The following DPY19L2 variants were observed in gnomAD, a reference collection of about 807,000 sequenced individuals.
The protein encoded by DPY19L2 is probable C-mannosyltransferase DPY19L2.
Under a neutral mutation model 97.9 loss-of-function variants are expected in DPY19L2, and 34 were observed. The ratio of observed to expected loss-of-function variants is 0.35; its 90% CI spans 0.26 to 0.46. The LOEUF is 0.46. Ranked by LOEUF, DPY19L2 falls within the 20% of genes least tolerant of loss-of-function variation. The pLI is 1.00. For missense variants in DPY19L2, 623 were observed against 911.4 expected (o/e 0.68, Z 4.07); for synonymous variants, 230 against 307.9 (o/e 0.75, Z 2.65).
intron 4 of DPY19L2, among the ~76,000 whole-genome samples, chr12:63,658,958 G>A (rs1397418222): frequency 6.6e-6 from 1 of 152,164 alleles, no homozygotes; most frequent in African/African-American, 2.4e-5. Context: ...CAGGATGAGG[G>A]ATATGCTCAT....
Position 63,668,410 on chromosome 12 carries a change from G to A in DPY19L2, c.-17C>T, listed in dbSNP as rs370417967. The A allele has an allele frequency of 1.3e-6, 2 of 1,582,770 alleles. No homozygotes were observed. Among genetic ancestry groups the A allele is most frequent in the South Asian group, 2.3e-5 (2 of 86,818 alleles). On this transcript the variant is annotated 5_prime_UTR_variant, in exon 1 of 22. Coordinates refer to ENST00000324472, the MANE Select transcript of DPY19L2 (RefSeq NM_173812.5). ...TTTTCTCATAATCAAGGAGTATGGT[G>A]GAGCTGGGTCAATTTCAGGCACAGC... is the stretch of plus-strand genomic sequence containing the variant.
At chr12:63,632,896 T>G (rs1890961704) in intron 6 of DPY19L2, among the ~76,000 whole-genome samples, 1 of 152,064 alleles carries the variant, frequency 6.6e-6, no homozygotes, top group East Asian at 1.9e-4. Context: ...AACAGAGCCC[T>G]CAGAAATAAT....
intron 12 of DPY19L2, among the ~76,000 whole-genome samples, chr12:63,602,922 A>C (rs1347214744): frequency 6.6e-6 from 1 of 152,200 alleles, no homozygotes; most frequent in African/African-American, 2.4e-5. Context: ...GAAACAAAGC[A>C]AATATAGTCA....
chr12:63,581,037 C>G (rs1349635192), intron 18 of DPY19L2, among the ~76,000 whole-genome samples: 1 of 152,112 alleles, frequency 6.6e-6, no homozygotes, highest in East Asian at 1.9e-4. Flanking sequence ...ATGGAACTTT[C>G]TCTCCCCTGG....
intron 8 of DPY19L2, among the ~76,000 whole-genome samples, chr12:63,622,724 G>A (rs1179218592): frequency 3.3e-5 from 5 of 152,084 alleles, no homozygotes; most frequent in South Asian, 2.1e-4. Flanking sequence ...TCAGGAGTTC[G>A]AGACTAGCCT....
intron 11 of DPY19L2, among the ~76,000 whole-genome samples, chr12:63,611,236 G>A (rs1358957397): frequency 6.6e-6 from 1 of 152,062 alleles, no homozygotes; most frequent in Non-Finnish European, 1.5e-5. Context: ...AAACTAACCA[G>A]TACTTTCATT....
chr12:63,641,202 C>A (rs1304983576), intron 6 of DPY19L2, among the ~76,000 whole-genome samples: 2 of 152,010 alleles, frequency 1.3e-5, no homozygotes, highest in Admixed American at 6.6e-5. Flanking sequence ...CTGCTCCCAG[C>A]CCAAAAACAG....
chr12:63,624,911 A>G (rs1889278776), intron 7 of DPY19L2, among the ~76,000 whole-genome samples: 1 of 152,162 alleles, frequency 6.6e-6, no homozygotes, highest in South Asian at 2.1e-4. Flanking sequence ...TGATACATAT[A>G]AGAAAGTCAA....
rs868250587 is a variant in DPY19L2, at chr12:63,575,814, A to G, written c.1900+4848T>C. On this transcript the variant is annotated intron_variant, in intron 19 of 21. Coordinates refer to ENST00000324472, the MANE Select transcript of DPY19L2 (RefSeq NM_173812.5). ...AATCTCTAATCAAAAGTCTCTCAGC[A>G]AAGAAAAGCCCAGGACCTGATGGCT... Among the ~76,000 whole-genome samples, 8 of 152,088 alleles carry G rather than the reference A, an allele frequency of 5.3e-5. No homozygotes were observed. In the Middle Eastern group the frequency reaches 0.01, roughly 194 times the overall value.
At chr12:63,597,741 T>A in intron 14 of DPY19L2, 68 bp downstream of exon 14, 2 of 1,455,112 alleles carry the variant, frequency 1.4e-6, no homozygotes, top group Non-Finnish European at 1.9e-6. Flanking sequence ...AATTTTGAGT[T>A]TCAGATTTTA....
At chr12:63,657,417 T>G (rs185119030) in intron 4 of DPY19L2, among the ~76,000 whole-genome samples, 1 of 152,280 alleles carries the variant, frequency 6.6e-6, no homozygotes, top group East Asian at 1.9e-4. Flanking sequence ...GGCTTGTTAA[T>G]GTAATGGGGG....
intron 19 of DPY19L2, among the ~76,000 whole-genome samples, chr12:63,573,440 G>A (rs1324656535): frequency 6.6e-6 from 1 of 151,910 alleles, no homozygotes; most frequent in East Asian, 1.9e-4. Flanking sequence ...GCATACTTTC[G>A]AGATCTAGAA....
chr12:63,601,638 A>C (rs1420578824), intron 12 of DPY19L2, among the ~76,000 whole-genome samples: 1 of 152,166 alleles, frequency 6.6e-6, no homozygotes, highest in Non-Finnish European at 1.5e-5. Context: ...ATTGGAAATA[A>C]AATAACCCAA....
At chr12:63,621,854 C>A (rs1423873326) in intron 8 of DPY19L2, among the ~76,000 whole-genome samples, 3 of 152,036 alleles carry the variant, frequency 2.0e-5, no homozygotes, top group Non-Finnish European at 4.4e-5. Context: ...TCAGCTGAAG[C>A]ATGTGGAAGT....
At chr12:63,616,758 A>G (rs1160120231) in intron 11 of DPY19L2, among the ~76,000 whole-genome samples, 1 of 152,156 alleles carries the variant, frequency 6.6e-6, no homozygotes, top group Non-Finnish European at 1.5e-5. Context: ...TTCAGAAATA[A>G]TTTAGTTATA....
In DPY19L2 at chr12:63,600,611, CTTTT is replaced by C. The variant is rs71434019; in HGVS notation, c.1279-229_1279-226del. Among the ~76,000 whole-genome samples, 375 of 110,568 alleles carry C rather than the reference CTTTT, an allele frequency of 3.4e-3. 3 individuals are homozygous for C. The highest frequency in any genetic ancestry group is 0.011 in the African/African-American group (323 of 28,468). 72.5% of individuals were successfully genotyped at this position (110,568 alleles called of 152,430 possible). A position where few individuals can be genotyped will look rare whatever the true frequency, so the allele number is the denominator to read the frequency against. ...CACTAGAATTCTACATATCCTAAATCTTTTTTTTTTTTTTTTTTTTGTCTTAAGG... is the reference window on the plus strand; with the variant it reads ...CACTAGAATTCTACATATCCTAAATCTTTTTTTTTTTTTTTTGTCTTAAGG... On this transcript the variant is annotated intron_variant, in intron 12 of 21. Transcript: ENST00000324472.
At chr12:63,651,447 C>T (rs1369786391) in intron 4 of DPY19L2, among the ~76,000 whole-genome samples, 5 of 152,044 alleles carry the variant, frequency 3.3e-5, no homozygotes, top group Non-Finnish European at 7.4e-5. Flanking sequence ...AAGAAACTAC[C>T]AAGGGAGTAA....
At chr12:63,608,217 T>C (rs1285991372) in intron 12 of DPY19L2, among the ~76,000 whole-genome samples, 1 of 151,994 alleles carries the variant, frequency 6.6e-6, no homozygotes, top group African/African-American at 2.4e-5. Context: ...GAGAGACAGA[T>C]GATGGATAGA....
chr12:63,639,844 T>G (rs1892395144), intron 6 of DPY19L2, among the ~76,000 whole-genome samples: 1 of 152,142 alleles, frequency 6.6e-6, no homozygotes, highest in African/African-American at 2.4e-5. Context: ...AGCCATCCCA[T>G]TACTGGGTAT....
Sources: gnomAD v4.1 joint callset for allele counts (sites outside exome capture counted in the v4.1 genomes callset) on GRCh38, gnomAD v4.1.1 for gene constraint, MANE v1.5 for transcripts, NCBI Gene and HGNC (gene_info 2026-07-23, HGNC 2026-07-21) for gene names.